The following COMMD10 variants were observed in gnomAD, a reference collection of about 807,000 sequenced individuals.
The protein encoded by COMMD10 is COMM domain-containing protein 10.
A neutral mutation model predicts 28.9 loss-of-function variants in COMMD10; 33 were observed. The ratio of observed to expected loss-of-function variants is 1.14; its 90% CI spans 0.87 to 1.53. The LOEUF is 1.53. Ranked by LOEUF, COMMD10 falls within the 40% of genes most tolerant of loss-of-function variation. The pLI is 0.00. For missense variants in COMMD10, 310 were observed against 233.4 expected (o/e 1.33, Z -2.14); for synonymous variants, 110 against 81.7 (o/e 1.35, Z -1.87).
At chr5:116,150,602 T>G (rs1179411830) in intron 5 of COMMD10, among the ~76,000 whole-genome samples, 4 of 138,678 alleles carry the variant, frequency 2.9e-5, no homozygotes, top group Non-Finnish European at 4.6e-5. Flanking sequence ...CCTAGGTATT[T>G]TATTCTCTTT....
At chr5:116,144,651 A>T (rs975226974) in intron 5 of COMMD10, among the ~76,000 whole-genome samples, 1 of 151,848 alleles carries the variant, frequency 6.6e-6, no homozygotes, top group African/African-American at 2.4e-5. Flanking sequence ...AGAGGTCAGA[A>T]AAGAGAAGAA....
At position 116,251,266 on chromosome 5, in the gene COMMD10, T is replaced by TTTTATTTA. The variant is rs139799729; in HGVS notation, c.511-40220_511-40213dup. On this transcript the variant is annotated intron_variant, in intron 5 of 6. Coordinates refer to ENST00000274458, the MANE Select transcript of COMMD10 (RefSeq NM_016144.4). ...CAAAAATTAAAGCAGACTCTTTTCT[T>TTTTATTTA]TTTATTTATTTATTTATTTATTTAT... Among the ~76,000 whole-genome samples, 513 of 138,168 alleles carry TTTTATTTA rather than the reference T, an allele frequency of 3.7e-3. 2 individuals carry two copies. Among genetic ancestry groups the TTTTATTTA allele is most frequent in the African/African-American group, 0.014 (492 of 34,952 alleles). The allele number at this position is 138,168 out of a possible 152,430, so 90.6% of individuals were successfully genotyped here.
chr5:116,231,093 T>C (rs1749517053), intron 5 of COMMD10, among the ~76,000 whole-genome samples: 1 of 152,166 alleles, frequency 6.6e-6, no homozygotes, highest in Admixed American at 6.6e-5. Flanking sequence ...CTCCATACTC[T>C]TAAGATGGTT....
Position 116,157,828 on chromosome 5 carries a change from A to G in COMMD10, c.510+23650A>G, listed in dbSNP as rs186142058. The stretch of plus-strand genomic sequence containing the variant: ...ATATAAGTTGTGATTGTTCTACATC[A>G]TGTCCAGAACTGCTAGTAACAGTCT... On this transcript the variant is annotated intron_variant, in intron 5 of 6. Transcript: ENST00000274458. 5.2e-4 allele frequency among the ~76,000 whole-genome samples: 79 copies of G among 152,200 alleles called. No homozygotes were observed. In the East Asian group the frequency reaches 0.014, roughly 28 times the overall value.
intron 5 of COMMD10, among the ~76,000 whole-genome samples, chr5:116,226,414 C>A (rs1025200921): frequency 5.1e-5 from 4 of 78,720 alleles, no homozygotes; most frequent in African/African-American, 1.1e-4. Flanking sequence ...CTTTGTACTT[C>A]CCTTTTTTTT....
chr5:116,289,161 T>C (rs943801728), intron 5 of COMMD10, among the ~76,000 whole-genome samples: 3 of 151,784 alleles, frequency 2.0e-5, no homozygotes, highest in Admixed American at 6.6e-5. Context: ...GGATTACAGA[T>C]TTGAGCTACC....
At chr5:116,233,022 T>A (rs1749568040) in intron 5 of COMMD10, among the ~76,000 whole-genome samples, 1 of 152,160 alleles carries the variant, frequency 6.6e-6, no homozygotes, top group African/African-American at 2.4e-5. Flanking sequence ...TGGAGCACGG[T>A]AGCATTTATA....
At chr5:116,127,732 C>T (rs1333378919) in intron 4 of COMMD10, among the ~76,000 whole-genome samples, 2 of 152,070 alleles carry the variant, frequency 1.3e-5, no homozygotes, top group East Asian at 3.9e-4. Context: ...ACAATGAGAA[C>T]ACTTGGACAC....
intron 5 of COMMD10, among the ~76,000 whole-genome samples, chr5:116,219,008 T>C (rs1749175446): frequency 6.6e-6 from 1 of 152,166 alleles, no homozygotes; most frequent in East Asian, 1.9e-4. Flanking sequence ...AGGGCTATTA[T>C]CCAGTATGAC....
In COMMD10 at chr5:116,202,722, T is replaced by C. The variant is rs1748702059; in HGVS notation, c.510+68544T>C. Among the ~76,000 whole-genome samples, 5 of 151,728 alleles carry C rather than the reference T, an allele frequency of 3.3e-5. No individual in the cohort carries two copies. In the East Asian group the frequency reaches 9.7e-4, roughly 29 times the overall value. ...TCTGTTCATATCCTTTGCCCACTTT[T>C]TGATGGGGTTGTTTGTTTTTTTCTT... On this transcript the variant is annotated intron_variant, in intron 5 of 6. Coordinates refer to ENST00000274458, the MANE Select transcript of COMMD10 (RefSeq NM_016144.4).
At chr5:116,179,888 A>G (rs1561651765) in intron 5 of COMMD10, among the ~76,000 whole-genome samples, 2 of 152,074 alleles carry the variant, frequency 1.3e-5, no homozygotes, top group Non-Finnish European at 2.9e-5. Flanking sequence ...TTGGGGGAAA[A>G]TGATTGGACG....
At chr5:116,154,017 A>G (rs1486554658) in intron 5 of COMMD10, among the ~76,000 whole-genome samples, 1 of 152,100 alleles carries the variant, frequency 6.6e-6, no homozygotes, top group African/African-American at 2.4e-5. Flanking sequence ...ACTCAACCAC[A>G]ATAAAAGTAG....
chr5:116,190,909 A>AT (rs1748348968), intron 5 of COMMD10, among the ~76,000 whole-genome samples: 1 of 152,200 alleles, frequency 6.6e-6, no homozygotes, highest in African/African-American at 2.4e-5. Context: ...TAAAATATGT[A>AT]TTTTTAAAAG....
chr5:116,221,184 C>T (rs778997211), intron 5 of COMMD10, among the ~76,000 whole-genome samples: 3 of 151,368 alleles, frequency 2.0e-5, no homozygotes, highest in Non-Finnish European at 2.9e-5. Flanking sequence ...GCTGGTCTGA[C>T]GGTGAGCTGT....
At chr5:116,137,068 A>G (rs952727285) in intron 5 of COMMD10, among the ~76,000 whole-genome samples, 2 of 152,058 alleles carry the variant, frequency 1.3e-5, no homozygotes, top group African/African-American at 4.8e-5. Context: ...GTAAAGGAAC[A>G]GTTAACTACT....
At chr5:116,195,353 T>C (rs1319323649) in intron 5 of COMMD10, among the ~76,000 whole-genome samples, 5 of 152,114 alleles carry the variant, frequency 3.3e-5, no homozygotes, top group Admixed American at 3.3e-4. Flanking sequence ...AGCATCCAAA[T>C]TGGTAAAGAG....
chr5:116,101,121 C>T (rs1208363577), intron 4 of COMMD10, among the ~76,000 whole-genome samples: 3 of 152,094 alleles, frequency 2.0e-5, no homozygotes, highest in Non-Finnish European at 1.5e-5. Flanking sequence ...TATATACACA[C>T]CATATTTTCT....
At chr5:116,284,101 C>T (rs1306392831) in intron 5 of COMMD10, among the ~76,000 whole-genome samples, 1 of 151,796 alleles carries the variant, frequency 6.6e-6, no homozygotes, top group African/African-American at 2.4e-5. Context: ...CATTGCACTC[C>T]AGCCTGGGCA....
At chr5:116,111,958 C>T (rs557071868) in intron 4 of COMMD10, among the ~76,000 whole-genome samples, 20 of 152,154 alleles carry the variant, frequency 1.3e-4, no homozygotes, top group African/African-American at 4.8e-4. Context: ...ATGTTGGGTG[C>T]ATGTATGTTT....
Sources: gnomAD v4.1 joint callset for allele counts (sites outside exome capture counted in the v4.1 genomes callset) on GRCh38, gnomAD v4.1.1 for gene constraint, MANE v1.5 for transcripts, NCBI Gene and HGNC (gene_info 2026-07-23, HGNC 2026-07-21) for gene names.